Variants in CSMD1 observed in about 807,000 individuals in gnomAD.
CSMD1 encodes the protein CUB and sushi domain-containing protein 1.
A neutral mutation model predicts 417.5 loss-of-function variants in CSMD1; 213 were observed. The observed-to-expected ratio is 0.51, with a 90% CI of 0.46 to 0.57. The LOEUF (loss-of-function observed/expected upper bound fraction) is 0.57, where lower values mean the gene tolerates loss of function less well. CSMD1 is among the 20% of genes least tolerant of loss of function. CSMD1 has a pLI of 0.00. For missense variants in CSMD1, 6,923 were observed against 4,529.7 expected (o/e 1.53, Z -15.17); for synonymous variants, 2,862 against 1,736.8 (o/e 1.65, Z -16.11).
chr8:4,355,573 C>G (rs1487540698), intron 3 of CSMD1, among the ~76,000 whole-genome samples: 3 of 152,188 alleles, frequency 2.0e-5, no homozygotes, highest in Non-Finnish European at 4.4e-5. Flanking sequence ...TGCAACAAAA[C>G]TTGGTGAGGG....
At chr8:4,216,272 T>C (rs1228971123) in intron 3 of CSMD1, among the ~76,000 whole-genome samples, 1 of 152,246 alleles carries the variant, frequency 6.6e-6, no homozygotes, top group Non-Finnish European at 1.5e-5. Flanking sequence ...CTACGAGACC[T>C]GACCTTCTCC....
chr8:4,176,909 G>A (rs1298118480), intron 3 of CSMD1, among the ~76,000 whole-genome samples: 2 of 149,020 alleles, frequency 1.3e-5, no homozygotes, highest in Non-Finnish European at 1.5e-5. Context: ...ACCCAATACA[G>A]GAGCACCCAG....
At chr8:4,493,496 G>C (rs1245790598) in intron 2 of CSMD1, among the ~76,000 whole-genome samples, 2 of 152,068 alleles carry the variant, frequency 1.3e-5, no homozygotes, top group Non-Finnish European at 2.9e-5. Flanking sequence ...AGGAGTTCAA[G>C]AACACCCTGG....
chr8:4,330,264 G>C (rs1044638444), intron 3 of CSMD1, among the ~76,000 whole-genome samples: 2 of 126,300 alleles, frequency 1.6e-5, no homozygotes, highest in African/African-American at 5.1e-5. Flanking sequence ...GACTCTGTCT[G>C]GTTGTACTCT....
chr8:3,578,962 G>T (rs1462654840), intron 9 of CSMD1, among the ~76,000 whole-genome samples: 1 of 152,188 alleles, frequency 6.6e-6, no homozygotes, highest in Non-Finnish European at 1.5e-5. Flanking sequence ...AACTATAGTA[G>T]AATGCCTCTT....
At chr8:3,826,240 C>T (rs925188850) in intron 5 of CSMD1, among the ~76,000 whole-genome samples, 12 of 152,108 alleles carry the variant, frequency 7.9e-5, no homozygotes, top group Admixed American at 3.3e-4. Flanking sequence ...TGAAGTGATG[C>T]ATCTGGTCAG....
At chr8:3,440,881 C>A (rs998128926) in intron 12 of CSMD1, among the ~76,000 whole-genome samples, 1 of 152,194 alleles carries the variant, frequency 6.6e-6, no homozygotes, top group African/African-American at 2.4e-5. Flanking sequence ...TTACAGCAGG[C>A]TTGATGGTGG....
intron 2 of CSMD1, among the ~76,000 whole-genome samples, chr8:4,467,122 T>TAAAAAAAAAA (rs35481238): frequency 1.4e-3 from 118 of 84,626 alleles, no homozygotes; most frequent in South Asian, 1.5e-3. Flanking sequence ...TTCTTCAGAG[T>TAAAAAAAAAA]AAAAAAAAAA....
intron 60 of CSMD1, among the ~76,000 whole-genome samples, chr8:2,962,882 T>A (rs1324273512): frequency 1.3e-5 from 2 of 152,144 alleles, no homozygotes; most frequent in Non-Finnish European, 2.9e-5. Context: ...AACCTATGTC[T>A]ACAACAAATA....
intron 1 of CSMD1, among the ~76,000 whole-genome samples, chr8:4,773,820 T>TA (rs1311059636): frequency 6.6e-6 from 1 of 152,084 alleles, no homozygotes; most frequent in African/African-American, 2.4e-5. Context: ...CCAATAAAGT[T>TA]AAAAAAATAA....
At chr8:2,967,603 C>G (rs1348079320) in intron 57 of CSMD1, among the ~76,000 whole-genome samples, 1 of 151,850 alleles carries the variant, frequency 6.6e-6, no homozygotes, top group African/African-American at 2.4e-5. Context: ...AGTACTGTTG[C>G]AATAATATAC....
chr8:3,110,447 G>C lies in CSMD1; in HGVS notation c.6431-112C>G, dbSNP rs902734673. ...CCAACATTTTTCCTGATGGGAAATA[G>C]GTGTGAAATATTTCTGAATCACCAT... is the stretch of plus-strand genomic sequence containing the variant. On this transcript the variant is annotated intron_variant, in intron 42 of 69. Coordinates refer to ENST00000635120, the MANE Select transcript of CSMD1 (RefSeq NM_033225.6). 4 of 849,126 alleles carry C rather than the reference G, an allele frequency of 4.7e-6. No individual in the cohort carries two copies. The African/African-American group carries it at 5.1e-5, about 11-fold the overall frequency. 52.6% of individuals were successfully genotyped at this position (849,126 alleles called of 1,614,324 possible).
intron 3 of CSMD1, among the ~76,000 whole-genome samples, chr8:4,132,192 ATTTT>A (rs5889019): frequency 6.3e-5 from 6 of 95,778 alleles, no homozygotes; most frequent in African/African-American, 2.3e-4. Flanking sequence ...TTTGTCATGG[ATTTT>A]TTTTTTTTTT....
At chr8:3,867,809 A>G (rs1805207914) in intron 5 of CSMD1, among the ~76,000 whole-genome samples, 1 of 152,026 alleles carries the variant, frequency 6.6e-6, no homozygotes, top group African/African-American at 2.4e-5. Context: ...TCACATTCCA[A>G]CTGACCTTCC....
At chr8:3,094,422 A>C (rs1449356992) in intron 47 of CSMD1, among the ~76,000 whole-genome samples, 1 of 152,114 alleles carries the variant, frequency 6.6e-6, no homozygotes, top group Non-Finnish European at 1.5e-5. Flanking sequence ...GGTATTCTTA[A>C]TCCAGCATCT....
intron 3 of CSMD1, among the ~76,000 whole-genome samples, chr8:4,376,190 A>G (rs1411588102): frequency 3.3e-5 from 5 of 152,124 alleles, no homozygotes; most frequent in Non-Finnish European, 7.4e-5. Context: ...AAAAGAATTT[A>G]TTTTCTGCTG....
At chr8:4,951,341 G>C (rs767410845) in intron 1 of CSMD1, among the ~76,000 whole-genome samples, 1 of 151,884 alleles carries the variant, frequency 6.6e-6, no homozygotes, top group African/African-American at 2.4e-5. Context: ...TCTATTACTT[G>C]AGCTATCTCT....
In CSMD1 at chr8:4,126,018, T is replaced by C. The variant is rs149889806; in HGVS notation, c.416-93919A>G. On this transcript the variant is annotated intron_variant, in intron 3 of 69. Coordinates refer to ENST00000635120, the MANE Select transcript of CSMD1 (RefSeq NM_033225.6). Reference sequence around the variant, plus strand: ...GATATGTTGCAGACCCTGCACTCCATGGATCAGCTGATACCACCAAGACTT... The same window carrying C: ...GATATGTTGCAGACCCTGCACTCCACGGATCAGCTGATACCACCAAGACTT... Among the ~76,000 whole-genome samples, 1,167 of 152,266 alleles carry C rather than the reference T, an allele frequency of 7.7e-3. 15 individuals carry two copies. The highest frequency in any genetic ancestry group is 0.027 in the African/African-American group (1,107 of 41,548).
At chr8:3,886,330 T>C (rs556941882) in intron 5 of CSMD1, among the ~76,000 whole-genome samples, 18 of 152,330 alleles carry the variant, frequency 1.2e-4, no homozygotes, top group African/African-American at 4.1e-4. Context: ...ATTACAGGCG[T>C]GGGCCACTGT....
Sources: gnomAD v4.1 joint callset for allele counts (sites outside exome capture counted in the v4.1 genomes callset) on GRCh38, gnomAD v4.1.1 for gene constraint, MANE v1.5 for transcripts, NCBI Gene and HGNC (gene_info 2026-07-23, HGNC 2026-07-21) for gene names.